The following SIK3 variants were observed in gnomAD, a reference collection of about 807,000 sequenced individuals.
SIK3 encodes SIK family kinase 3, also known as serine/threonine-protein kinase SIK3.
In SIK3, 28 loss-of-function variants were observed where a neutral mutation model predicts 144.2. The observed-to-expected ratio is 0.19, with a 90% CI of 0.14 to 0.27. The LOEUF is 0.27. Among genes scored for constraint, SIK3 ranks in the 10% least tolerant of loss-of-function variants. The probability of loss-of-function intolerance (pLI) is 1.00; values close to 1 mark genes in which losing one functional copy is unlikely to be tolerated. For missense variants in SIK3, 1,319 were observed against 1,776.0 expected, an observed-to-expected ratio of 0.74 and a Z score of 4.62; for synonymous variants, 686 against 676.3, an observed-to-expected ratio of 1.01 and a Z score of -0.22.
chr11:117,004,322 C>CT (rs1950964880), intron 1 of SIK3, among the ~76,000 whole-genome samples: 1 of 152,114 alleles, frequency 6.6e-6, no homozygotes, highest in African/African-American at 2.4e-5. Flanking sequence ...TGAGACCAGC[C>CT]TGGGCAACAT....
chr11:117,044,692 G>A (rs1952881878), intron 1 of SIK3, among the ~76,000 whole-genome samples: 1 of 151,944 alleles, frequency 6.6e-6, no homozygotes, highest in Admixed American at 6.6e-5. Context: ...CAGCCTTTGG[G>A]CAACATAGGG....
intron 1 of SIK3, among the ~76,000 whole-genome samples, chr11:116,991,274 C>A (rs1414417135): frequency 1.3e-5 from 2 of 152,140 alleles, no homozygotes; most frequent in Non-Finnish European, 2.9e-5. Flanking sequence ...TGGCAAAACC[C>A]CGTCTCTATC....
At chr11:116,944,271 G>A (rs959902290) in intron 3 of SIK3, among the ~76,000 whole-genome samples, 6 of 152,238 alleles carry the variant, frequency 3.9e-5, no homozygotes, top group South Asian at 2.1e-4. Flanking sequence ...ATGTCTGCTC[G>A]GAGTGTCTCT....
At chr11:116,992,046 G>A (rs968515741) in intron 1 of SIK3, among the ~76,000 whole-genome samples, 7 of 152,030 alleles carry the variant, frequency 4.6e-5, no homozygotes, top group Admixed American at 1.3e-4. Context: ...ACTCGTGGCC[G>A]GGCATGGTGG....
intron 4 of SIK3, among the ~76,000 whole-genome samples, chr11:116,920,351 C>T (rs768766439): frequency 6.6e-6 from 1 of 152,120 alleles, no homozygotes; most frequent in Non-Finnish European, 1.5e-5. Flanking sequence ...CTTTCTTCTA[C>T]CCCTTTCTTC....
intron 1 of SIK3, among the ~76,000 whole-genome samples, chr11:117,041,473 A>T (rs531602546): frequency 2.0e-5 from 3 of 152,088 alleles, no homozygotes; most frequent in African/African-American, 4.8e-5. Context: ...CTTATTTAAT[A>T]AAAAAAATCC....
intron 4 of SIK3, among the ~76,000 whole-genome samples, chr11:116,926,759 G>A (rs12285956): frequency 0.072 from 11,020 of 152,174 alleles, 493 homozygotes; most frequent in Middle Eastern, 0.11. Context: ...GGTGGCTCAC[G>A]CCTGTAATCC....
At chr11:117,010,946 C>T (rs10892060) in intron 1 of SIK3, among the ~76,000 whole-genome samples, 1 of 151,816 alleles carries the variant, frequency 6.6e-6, no homozygotes, top group Admixed American at 6.6e-5. Flanking sequence ...ATGGACAGAT[C>T]CTGTCTCTCC....
At chr11:117,097,372 T>C (rs780172352) in intron 1 of SIK3, among the ~76,000 whole-genome samples, 1 of 151,248 alleles carries the variant, frequency 6.6e-6, no homozygotes, top group Non-Finnish European at 1.5e-5. Flanking sequence ...TAACCAGCAA[T>C]CAGCTCTCCC....
At chr11:116,887,918 C>T (rs992458261) in intron 6 of SIK3, among the ~76,000 whole-genome samples, 2 of 152,202 alleles carry the variant, frequency 1.3e-5, no homozygotes, top group Non-Finnish European at 2.9e-5. Context: ...TTTAGTACAT[C>T]TCAGGATGCC....
chr11:116,893,151 C>A (rs1591247792), intron 6 of SIK3, among the ~76,000 whole-genome samples: 1 of 152,238 alleles, frequency 6.6e-6, no homozygotes. Context: ...TATACATTTA[C>A]CAAAACCCAC....
At chr11:116,938,204 AGAGGGGAGGG>A (rs367762787) in intron 3 of SIK3, among the ~76,000 whole-genome samples, 10 of 7,880 alleles carry the variant, frequency 1.3e-3, no homozygotes, top group African/African-American at 1.8e-3. Flanking sequence ...GACTCTATCT[AGAGGGGAGGG>A]GAGGGGAGGG....
chr11:116,948,758 C>G (rs1438665834), intron 3 of SIK3, among the ~76,000 whole-genome samples: 1 of 151,904 alleles, frequency 6.6e-6, no homozygotes, highest in Non-Finnish European at 1.5e-5. Context: ...TTTTTCTATT[C>G]TCTATTTCAT....
chr11:116,952,526 T>C (rs1263926561), intron 3 of SIK3, among the ~76,000 whole-genome samples: 1 of 152,228 alleles, frequency 6.6e-6, no homozygotes, highest in African/African-American at 2.4e-5. Context: ...AGTCTCCCAA[T>C]AACATGACTG....
intron 1 of SIK3, among the ~76,000 whole-genome samples, chr11:117,092,300 A>C (rs1401444207): frequency 6.6e-6 from 1 of 151,918 alleles, no homozygotes; most frequent in Non-Finnish European, 1.5e-5. Context: ...AACCAAACTC[A>C]CTTCTGCCCC....
chr11:117,011,129 C>T lies in SIK3; in HGVS notation c.274-54065G>A, dbSNP rs150154215. Among the ~76,000 whole-genome samples the T allele has an allele frequency of 2.4e-3, 361 of 152,068 alleles. 4 individuals carry two copies. The highest frequency in any genetic ancestry group is 8.1e-3 in the African/African-American group (338 of 41,496). On this transcript the variant is annotated intron_variant, in intron 1 of 24. Transcript: ENST00000445177. ...CGTGAGACCCTGTCTCAAACAAAAA[C>T]GAAAATAATCACCCTCCTCCTGAAA...
intron 1 of SIK3, among the ~76,000 whole-genome samples, chr11:117,013,429 GC>G (rs1951353693): frequency 6.6e-6 from 1 of 152,144 alleles, no homozygotes; most frequent in Non-Finnish European, 1.5e-5. Context: ...AGTGAGCCAA[GC>G]CTGTGCCACT....
rs548906451 is a variant in SIK3, at chr11:116,918,880, T to C, written c.616+8339A>G. Among the ~76,000 whole-genome samples the C allele has an allele frequency of 5.9e-5, 9 of 152,350 alleles. No individual in the cohort carries two copies. In the South Asian group the frequency reaches 1.5e-3, roughly 25 times the overall value. ...AAGAGAGATAATATTTCAAATTTTC[T>C]TTTCCCAAGGGTCAACGTGCAGGAA... is the stretch of plus-strand genomic sequence containing the variant. On this transcript the variant is annotated intron_variant, in intron 4 of 24. Coordinates refer to ENST00000445177, the MANE Select transcript of SIK3 (RefSeq NM_001366686.3).
Position 117,027,380 on chromosome 11 carries a change from A to C in SIK3, c.274-70316T>G, listed in dbSNP as rs537267229. On this transcript the variant is annotated intron_variant, in intron 1 of 24. Transcript: ENST00000445177. Reference sequence around the variant, plus strand: ...TGTTTCATCATCCTGTAAATTTCACATCCTAGACCATAAGCATCACAAACA... The same window carrying C: ...TGTTTCATCATCCTGTAAATTTCACCTCCTAGACCATAAGCATCACAAACA... Among the ~76,000 whole-genome samples the C allele has an allele frequency of 2.6e-5, 4 of 152,284 alleles. No homozygotes were observed. The East Asian group carries it at 7.7e-4, about 29-fold the overall frequency.
Sources: gnomAD v4.1 joint callset for allele counts (sites outside exome capture counted in the v4.1 genomes callset) on GRCh38, gnomAD v4.1.1 for gene constraint, MANE v1.5 for transcripts, NCBI Gene and HGNC (gene_info 2026-07-23, HGNC 2026-07-21) for gene names.